ROBO2: variants seen among roughly 807,000 people sequenced by gnomAD.
ROBO2 encodes the protein roundabout homolog 2.
Under a neutral mutation model 160.8 loss-of-function variants are expected in ROBO2, and 53 were observed. The ratio of observed to expected loss-of-function variants is 0.33; its 90% CI spans 0.26 to 0.41. The LOEUF (loss-of-function observed/expected upper bound fraction) is 0.41, where lower values mean the gene tolerates loss of function less well. ROBO2 is among the 10% of genes least tolerant of loss of function. The pLI is 1.00. For missense variants in ROBO2, 1,577 were observed against 1,722.4 expected, an observed-to-expected ratio of 0.92 and a Z score of 1.49; for synonymous variants, 664 against 611.7, an observed-to-expected ratio of 1.09 and a Z score of -1.26.
chr3:76,877,583 C>G (rs2072883554), intron 2 of ROBO2, among the ~76,000 whole-genome samples: 2 of 152,176 alleles, frequency 1.3e-5, no homozygotes. Context: ...TTTGACCACT[C>G]TGTTCCACTT....
At chr3:77,592,196 G>T (rs2153685679) in intron 17 of ROBO2, among the ~76,000 whole-genome samples, 1 of 152,210 alleles carries the variant, frequency 6.6e-6, no homozygotes, top group African/African-American at 2.4e-5. Context: ...AATTTAGATT[G>T]TGTACTAAAT....
intron 2 of ROBO2, among the ~76,000 whole-genome samples, chr3:76,437,145 C>T (rs1443592678): frequency 6.6e-6 from 1 of 152,010 alleles, no homozygotes; most frequent in East Asian, 1.9e-4. Flanking sequence ...CAGTAGTATA[C>T]TGAAGCTTTT....
At chr3:76,391,709 C>G (rs1457711682) in intron 2 of ROBO2, among the ~76,000 whole-genome samples, 1 of 152,078 alleles carries the variant, frequency 6.6e-6, no homozygotes, top group Non-Finnish European at 1.5e-5. Context: ...CGGGGTTTCA[C>G]CATGTTGGCC....
intron 2 of ROBO2, among the ~76,000 whole-genome samples, chr3:76,745,287 C>G (rs1302581500): frequency 1.3e-5 from 2 of 151,984 alleles, no homozygotes; most frequent in African/African-American, 4.8e-5. Context: ...ATATTTCTTC[C>G]TCTATGTCTA....
At chr3:77,216,388 T>C (rs2084950922) in intron 2 of ROBO2, among the ~76,000 whole-genome samples, 1 of 152,140 alleles carries the variant, frequency 6.6e-6, no homozygotes, top group African/African-American at 2.4e-5. Flanking sequence ...GCACAAGATA[T>C]AATCTCCTGG....
intron 2 of ROBO2, among the ~76,000 whole-genome samples, chr3:76,941,438 T>C (rs2078180017): frequency 6.6e-6 from 1 of 152,160 alleles, no homozygotes; most frequent in Non-Finnish European, 1.5e-5. Flanking sequence ...CACAAGGTCC[T>C]TCACCCTCTG....
chr3:76,312,628 C>A (rs2107793894), intron 2 of ROBO2, among the ~76,000 whole-genome samples: 1 of 152,224 alleles, frequency 6.6e-6, no homozygotes, highest in South Asian at 2.1e-4. Flanking sequence ...ATTTCTTTTT[C>A]TTGCAAACTG....
intron 2 of ROBO2, among the ~76,000 whole-genome samples, chr3:77,222,100 C>T (rs893868599): frequency 5.9e-5 from 9 of 152,038 alleles, no homozygotes; most frequent in South Asian, 4.1e-4. Context: ...ATCCACCCAC[C>T]TCGGCCTCCC....
At chr3:76,673,962 T>A (rs887302836) in intron 2 of ROBO2, among the ~76,000 whole-genome samples, 4 of 152,138 alleles carry the variant, frequency 2.6e-5, no homozygotes, top group Non-Finnish European at 5.9e-5. Context: ...GAAAATGTTT[T>A]AAATCTAATA....
chr3:77,365,804 T>C (rs1222045067), intron 2 of ROBO2, among the ~76,000 whole-genome samples: 1 of 152,114 alleles, frequency 6.6e-6, no homozygotes, highest in East Asian at 2.0e-4. Context: ...CGTGATTTAT[T>C]CTAACCAACC....
chr3:76,222,623 A>G (rs1054066555), intron 2 of ROBO2, among the ~76,000 whole-genome samples: 3 of 152,096 alleles, frequency 2.0e-5, no homozygotes, highest in Admixed American at 6.5e-5. Flanking sequence ...CCATCACCTG[A>G]TGGTGCCTGA....
At chr3:76,625,505 G>A (rs2089571333) in intron 2 of ROBO2, among the ~76,000 whole-genome samples, 1 of 151,614 alleles carries the variant, frequency 6.6e-6, no homozygotes, top group African/African-American at 2.4e-5. Flanking sequence ...TTTTGAATTC[G>A]GTGGTATTAC....
At position 76,262,272 on chromosome 3, in the gene ROBO2, T is replaced by C. The variant is rs146517959; in HGVS notation, c.109+324670T>C. On this transcript the variant is annotated intron_variant, in intron 2 of 26. Transcript: ENST00000487694. Reference sequence around the variant, plus strand: ...TGAAAGAATATGAGTATTTGGTGACTTACATAAAATTTAACGAGCTTTGCT... The same window carrying C: ...TGAAAGAATATGAGTATTTGGTGACCTACATAAAATTTAACGAGCTTTGCT... Among the ~76,000 whole-genome samples, 57 of 152,274 alleles carry C rather than the reference T, an allele frequency of 3.7e-4. No individual in the cohort carries two copies. The East Asian group carries it at 0.011, about 28-fold the overall frequency.
chr3:76,750,543 A>T (rs1255958899), intron 2 of ROBO2, among the ~76,000 whole-genome samples: 2 of 152,128 alleles, frequency 1.3e-5, no homozygotes, highest in African/African-American at 2.4e-5. Context: ...TATATTTAGA[A>T]AACCCCATCA....
At chr3:76,587,614 C>T (rs1279355128) in intron 2 of ROBO2, among the ~76,000 whole-genome samples, 2 of 152,186 alleles carry the variant, frequency 1.3e-5, no homozygotes, top group African/African-American at 4.8e-5. Context: ...ATTCAATTAT[C>T]TCCACCTGGT....
At chr3:76,214,177 G>A (rs528370867) in intron 2 of ROBO2, among the ~76,000 whole-genome samples, 41 of 152,260 alleles carry the variant, frequency 2.7e-4, no homozygotes, top group African/African-American at 8.9e-4. Flanking sequence ...AAAGACAATA[G>A]CAATGTGATA....
intron 2 of ROBO2, among the ~76,000 whole-genome samples, chr3:77,252,867 G>A (rs1297906695): frequency 5.1e-5 from 5 of 98,930 alleles, no homozygotes; most frequent in East Asian, 5.0e-4. Context: ...ATAAACAGAC[G>A]GTTTTAATAA....
intron 2 of ROBO2, among the ~76,000 whole-genome samples, chr3:76,594,899 G>C (rs1031496763): frequency 6.6e-6 from 1 of 151,930 alleles, no homozygotes; most frequent in South Asian, 2.1e-4. Context: ...CAATAATAAA[G>C]CTACGGACTA....
At chr3:76,069,380 A>C (rs1205756289) in intron 2 of ROBO2, among the ~76,000 whole-genome samples, 3 of 152,198 alleles carry the variant, frequency 2.0e-5, no homozygotes, top group Non-Finnish European at 4.4e-5. Flanking sequence ...AAATCCTGCA[A>C]GTCTGCTTTT....
Sources: gnomAD v4.1 joint callset for allele counts (sites outside exome capture counted in the v4.1 genomes callset) on GRCh38, gnomAD v4.1.1 for gene constraint, MANE v1.5 for transcripts, NCBI Gene and HGNC (gene_info 2026-07-23, HGNC 2026-07-21) for gene names.